The following NEO1 variants were observed in gnomAD, a reference collection of about 807,000 sequenced individuals.
NEO1 encodes the protein neogenin 1.
NEO1 carries 63 observed loss-of-function variants against 159.7 expected under a neutral mutation model. The ratio of observed to expected loss-of-function variants is 0.39; its 90% confidence interval spans 0.32 to 0.49. The LOEUF (loss-of-function observed/expected upper bound fraction) is 0.49. Ranked by LOEUF, NEO1 falls within the 20% of genes least tolerant of loss-of-function variation. The probability of loss-of-function intolerance (pLI) is 0.85; values close to 1 mark genes in which losing one functional copy is unlikely to be tolerated. For missense variants in NEO1, 1,615 were observed against 1,831.0 expected, an observed-to-expected ratio of 0.88 and a Z score of 2.15; for synonymous variants, 633 against 662.0, an observed-to-expected ratio of 0.96 and a Z score of 0.67.
intron 7 of NEO1, among the ~76,000 whole-genome samples, chr15:73,231,513 G>A (rs539660108): frequency 6.6e-6 from 1 of 152,302 alleles, no homozygotes; most frequent in South Asian, 2.1e-4. Context: ...TGGGTGGATT[G>A]CATGAGCTCA....
At chr15:73,181,495 C>T (rs933219214) in intron 7 of NEO1, among the ~76,000 whole-genome samples, 1 of 152,146 alleles carries the variant, frequency 6.6e-6, no homozygotes, top group African/African-American at 2.4e-5. Context: ...CCCAGTTCCA[C>T]AGGCTGTACA....
rs1165232795 is a variant in NEO1 at position 73,273,832 on chromosome 15, C to T, written c.2987C>T (p.Thr996Ile). Residue 996 changes from threonine to isoleucine, a missense_variant, in exon 20 of 29, where the codon ACA becomes ATA. Coordinates refer to ENST00000261908, the MANE Select transcript of NEO1 (RefSeq NM_002499.4). ...KITGYIIYYS[T>I]DVNAEIHDWV... ...ACAGGTTACATCATATATTACAGTA[C>T]AGATGTGAATGCAGAGATACATGAC... The T allele has an allele frequency of 6.2e-7, 1 of 1,613,574 alleles. No individual in the cohort carries two copies. Among genetic ancestry groups the T allele is most frequent in the African/African-American group, 1.3e-5 (1 of 74,900 alleles).
upstream of NEO1, chr15:73,051,706 C>G (rs549734482): frequency 6.6e-6 from 1 of 151,888 alleles, no homozygotes; most frequent in South Asian, 2.1e-4. Flanking sequence ...GCTTGGGAGC[C>G]GGAGGTCAGC....
rs767612324 is a variant in NEO1, at chr15:73,278,113, T to G, written c.3194-18T>G. The G allele has an allele frequency of 6.2e-7, 1 of 1,606,484 alleles. No homozygotes were observed. Among genetic ancestry groups the G allele is most frequent in the Non-Finnish European group, 8.5e-7 (1 of 1,174,450 alleles). On this transcript the variant is annotated intron_variant, in intron 21 of 28. Transcript: ENST00000261908. Reference sequence around the variant, plus strand: ...CAAATGTGTGGGGTCATTATTGACATGATTTCTTCTCCTTTAGCCTCAGGG... The same window carrying G: ...CAAATGTGTGGGGTCATTATTGACAGGATTTCTTCTCCTTTAGCCTCAGGG...
chr15:73,110,805 C>G (rs1224805786), intron 1 of NEO1, among the ~76,000 whole-genome samples: 1 of 152,116 alleles, frequency 6.6e-6, no homozygotes, highest in Non-Finnish European at 1.5e-5. Flanking sequence ...GGCTGGGAGT[C>G]AGGTCCCTGG....
chr15:73,086,205 A>C (rs766148846), intron 1 of NEO1, among the ~76,000 whole-genome samples: 1 of 152,166 alleles, frequency 6.6e-6, no homozygotes. Context: ...AGTGAATTGC[A>C]TTAGGACTTA....
intron 1 of NEO1, among the ~76,000 whole-genome samples, chr15:73,094,897 A>G (rs186247971): frequency 3.1e-4 from 47 of 152,262 alleles, no homozygotes; most frequent in Middle Eastern, 3.4e-3. Context: ...CTCTGTTGCT[A>G]TTAGCTACCA....
chr15:73,135,957 T>G lies in NEO1; in HGVS notation c.945T>G (p.Ala315=). The part of the protein sequence containing the change: ...LEISDVTEDD[A]GTYFCIADNG... ...TCAGTGATGTTACTGAGGATGATGCTGGGACTTATTTTTGTATAGCTGATA... is the reference window on the plus strand; with the variant it reads ...TCAGTGATGTTACTGAGGATGATGCGGGGACTTATTTTTGTATAGCTGATA... The change falls in exon 5 of 29, where the codon GCT becomes GCG. Residue 315 remains alanine, a synonymous_variant. Coordinates refer to ENST00000261908, the MANE Select transcript of NEO1 (RefSeq NM_002499.4). 1 of 1,611,330 alleles carries G rather than the reference T, an allele frequency of 6.2e-7. No individual in the cohort carries two copies. Among genetic ancestry groups the G allele is most frequent in the Non-Finnish European group, 8.5e-7 (1 of 1,179,146 alleles).
chr15:73,246,009 T>G (rs1410247873), intron 9 of NEO1, among the ~76,000 whole-genome samples: 1 of 152,220 alleles, frequency 6.6e-6, no homozygotes, highest in Non-Finnish European at 1.5e-5. Flanking sequence ...TAGAGGCTAC[T>G]GACCAGGCAG....
At chr15:73,130,645 A>G (rs772033160) in intron 4 of NEO1, among the ~76,000 whole-genome samples, 4 of 152,158 alleles carry the variant, frequency 2.6e-5, no homozygotes, top group Admixed American at 6.5e-5. Flanking sequence ...AGTGGTGTCA[A>G]AGTTGGAGTA....
chr15:73,108,161 G>T (rs904682664), intron 1 of NEO1, among the ~76,000 whole-genome samples: 1 of 152,154 alleles, frequency 6.6e-6, no homozygotes, highest in Non-Finnish European at 1.5e-5. Context: ...CTAAAGTATA[G>T]CTAAATATGA....
intron 12 of NEO1, among the ~76,000 whole-genome samples, chr15:73,254,198 CAAG>C (rs2150959187): frequency 6.6e-6 from 1 of 151,928 alleles, no homozygotes; most frequent in East Asian, 1.9e-4. Flanking sequence ...TCTAAAAAAA[CAAG>C]AAAGTACTAT....
intron 1 of NEO1, among the ~76,000 whole-genome samples, chr15:73,102,098 G>A (rs1241195470): frequency 2.6e-5 from 4 of 152,148 alleles, no homozygotes; most frequent in Non-Finnish European, 5.9e-5. Flanking sequence ...TCCAGGTGCG[G>A]TGATTCATGC....
intron 14 of NEO1, among the ~76,000 whole-genome samples, chr15:73,259,490 C>T (rs4776630): frequency 0.44 from 66,476 of 151,246 alleles, 15,644 homozygotes; most frequent in Admixed American, 0.53. Flanking sequence ...GCCTCCTGAG[C>T]AGCTGGGACC....
intron 11 of NEO1, 40 bp downstream of exon 11, chr15:73,249,761 T>G (rs374473751): frequency 1.3e-6 from 2 of 1,578,502 alleles, no homozygotes; most frequent in Non-Finnish European, 1.7e-6. Flanking sequence ...CCACACTTGG[T>G]GCCCCTAGTG....
intron 1 of NEO1, among the ~76,000 whole-genome samples, chr15:73,059,180 T>C (rs536808030): frequency 1.3e-5 from 2 of 152,154 alleles, no homozygotes; most frequent in Non-Finnish European, 2.9e-5. Flanking sequence ...ATTGACCAGG[T>C]TACAGAGCTG....
At chr15:73,075,257 G>A (rs1477905673) in intron 1 of NEO1, among the ~76,000 whole-genome samples, 1 of 152,122 alleles carries the variant, frequency 6.6e-6, no homozygotes, top group Admixed American at 6.6e-5. Flanking sequence ...GGCGGGAAAG[G>A]GACAGAGGGA....
intron 4 of NEO1, among the ~76,000 whole-genome samples, chr15:73,130,312 C>CA (rs910949496): frequency 1.3e-5 from 2 of 149,136 alleles, no homozygotes; most frequent in Non-Finnish European, 3.0e-5. Flanking sequence ...TTTCCCGCCC[C>CA]CCCCGCCGCA....
intron 8 of NEO1, among the ~76,000 whole-genome samples, chr15:73,239,628 A>G (rs2150878972): frequency 6.6e-6 from 1 of 152,288 alleles, no homozygotes; most frequent in South Asian, 2.1e-4. Flanking sequence ...AGCGTTCAGT[A>G]CAGTAACATG....
Sources: allele counts gnomAD v4.1 joint callset (sites outside exome capture counted in the v4.1 genomes callset), GRCh38; gene constraint gnomAD v4.1.1; transcripts MANE v1.5; gene names NCBI Gene and HGNC (gene_info 2026-07-23, HGNC 2026-07-21).